The following CAMSAP3 variants were observed in gnomAD, a reference collection of about 807,000 sequenced individuals.
CAMSAP3 encodes calmodulin-regulated spectrin-associated protein 3.
CAMSAP3 carries 34 observed loss-of-function variants against 112.5 expected under a neutral mutation model. That is an observed-to-expected ratio of 0.30 (90% CI 0.23 to 0.40). The LOEUF is 0.40. CAMSAP3 is among the 10% of genes least tolerant of loss of function. The probability of loss-of-function intolerance (pLI) is 1.00; values close to 1 mark genes in which losing one functional copy is unlikely to be tolerated. For missense variants in CAMSAP3, 1,602 were observed against 1,770.3 expected (o/e 0.90, Z 1.71); for synonymous variants, 868 against 799.8 (o/e 1.09, Z -1.44).
intron 11 of CAMSAP3, among the ~76,000 whole-genome samples, chr19:7,613,819 A>G (rs8100544): frequency 0.011 from 1,652 of 151,862 alleles, 26 homozygotes; most frequent in African/African-American, 0.037. Context: ...CCCTGTGTCC[A>G]CTGTCTCTCC....
chr19:7,610,825 G>A lies in CAMSAP3; in HGVS notation c.994+32G>A. The stretch of plus-strand genomic sequence containing the variant: ...CCCTGGGGGCCTGGGGGCCGGGTCG[G>A]GGGCGGGTGGGAGAGCCAAACCCCC... On this transcript the variant is annotated intron_variant, in intron 7 of 16. Transcript: ENST00000160298. This position sits in a 1 kb window ranked among gnomAD's most constrained non-coding sequence, Gnocchi z 4.9. 1 of 1,610,572 alleles carries A rather than the reference G, an allele frequency of 6.2e-7. No homozygotes were observed. Among genetic ancestry groups the A allele is most frequent in the Non-Finnish European group, 8.5e-7 (1 of 1,179,446 alleles).
chr19:7,608,037 G>A (rs1205548875), intron 4 of CAMSAP3, 89 bp from the exon 5 acceptor site: 80 of 1,507,070 alleles, frequency 5.3e-5, no homozygotes, highest in East Asian at 1.6e-4. Flanking sequence ...CCCTCATGGC[G>A]GAAACCCCAG....
At chr19:7,614,441 G>A (rs2030676617) in intron 11 of CAMSAP3, among the ~76,000 whole-genome samples, 1 of 150,472 alleles carries the variant, frequency 6.6e-6, no homozygotes, top group Non-Finnish European at 1.5e-5. Context: ...CCACCTCCTG[G>A]GTTTAAGTGA....
At chr19:7,604,254 G>A (rs1032987065) in intron 1 of CAMSAP3, among the ~76,000 whole-genome samples, 2 of 151,978 alleles carry the variant, frequency 1.3e-5, no homozygotes, top group Non-Finnish European at 2.9e-5. Flanking sequence ...CTCCACTCTT[G>A]GTCCTACGTG....
intron 1 of CAMSAP3, among the ~76,000 whole-genome samples, chr19:7,596,745 C>T (rs778262383): frequency 6.6e-6 from 1 of 152,170 alleles, no homozygotes; most frequent in African/African-American, 2.4e-5. Flanking sequence ...TCCATAGCCC[C>T]CTCCAGCGCC....
chr19:7,615,002 C>T lies in CAMSAP3; in HGVS notation c.2671-181C>T, dbSNP rs547048132. ...TGAGCGGCACCCAGTGTATCCCATC[C>T]CTGTTGTGTCCCAGTACTTAGTGTG... is the stretch of plus-strand genomic sequence containing the variant. On this transcript the variant is annotated intron_variant, in intron 11 of 16. Transcript: ENST00000160298. This position sits in a 1 kb window ranked among gnomAD's most constrained non-coding sequence, Gnocchi z 6.5. The T allele has an allele frequency of 9.6e-5, 67 of 697,486 alleles. No individual in the cohort carries two copies. The highest frequency in any genetic ancestry group is 6.8e-4 in the East Asian group (25 of 36,568). 43.2% of individuals were successfully genotyped at this position (697,486 alleles called of 1,614,324 possible). A position where few individuals can be genotyped will look rare whatever the true frequency, so the allele number is the denominator to read the frequency against.
In CAMSAP3 at chr19:7,610,972, G is replaced by T; in HGVS notation, c.1049+41G>T. Reference sequence around the variant, plus strand: ...TGGGCGAGTCTCTGGCATTGTGGGTGTGGGGCTCCATGTCTGCCTTGCTGA... The same window carrying T: ...TGGGCGAGTCTCTGGCATTGTGGGTTTGGGGCTCCATGTCTGCCTTGCTGA... On this transcript the variant is annotated intron_variant, in intron 8 of 16. Coordinates refer to ENST00000160298, the MANE Select transcript of CAMSAP3 (RefSeq NM_020902.2). This position sits in a 1 kb window ranked among gnomAD's most constrained non-coding sequence, Gnocchi z 4.9. The T allele has an allele frequency of 1.3e-6, 2 of 1,576,078 alleles. No individual in the cohort carries two copies. Among genetic ancestry groups the T allele is most frequent in the Non-Finnish European group, 1.7e-6 (2 of 1,156,052 alleles).
At position 7,608,194 on chromosome 19, in the gene CAMSAP3, G is replaced by C; in HGVS notation, c.690G>C (p.Gln230His). The C allele has an allele frequency of 6.2e-7, 1 of 1,612,742 alleles. No homozygotes were observed. ...GCTTCCCGACGGTGACCAGCCTCCA[G>C]GACCTGGCCAGTGGGGCCGCGCTGG... ...APCFPTVTSL[Q>H]DLASGAALAA... The change falls in exon 5 of 17, where the codon CAG (glutamine) becomes CAC (histidine). Residue 230 changes from glutamine (Q) to histidine (H), a missense_variant. Physicochemically the swap from Gln to His is conservative, Grantham distance 24. This residue lies in a region of CAMSAP3 where 58 missense variants were observed against 108.4 expected (regional missense o/e 0.54). Coordinates refer to ENST00000160298, the MANE Select transcript of CAMSAP3 (RefSeq NM_020902.2).
At chr19:7,613,940 C>T (rs1245699892) in intron 11 of CAMSAP3, among the ~76,000 whole-genome samples, 1 of 152,010 alleles carries the variant, frequency 6.6e-6, no homozygotes, top group Non-Finnish European at 1.5e-5. Context: ...TTGACTGCTC[C>T]CCTTACCCTT....
Position 7,616,953 on chromosome 19 carries a change from T to G in CAMSAP3, c.3212+331T>G, listed in dbSNP as rs199657561. On this transcript the variant is annotated intron_variant, in intron 14 of 16. Transcript: ENST00000160298. ...GCCCGCCTTTTTTTTTTTTTTTTTTTTTTTTGTTTTTTTGAGAGGGAGTCT... is the reference window on the plus strand; with the variant it reads ...GCCCGCCTTTTTTTTTTTTTTTTTTGTTTTTGTTTTTTTGAGAGGGAGTCT... 2.6e-3 allele frequency among the ~76,000 whole-genome samples: 337 copies of G among 131,904 alleles called. 1 individual carries two copies. Among genetic ancestry groups the G allele is most frequent in the Admixed American group, 4.3e-3 (57 of 13,306 alleles). 86.5% of individuals were successfully genotyped at this position (131,904 alleles called of 152,430 possible). A position where few individuals can be genotyped will look rare whatever the true frequency, so the allele number is the denominator to read the frequency against.
At chr19:7,605,147 G>GGTGTGTGTGTGTGTGTGTGT (rs56244737) in intron 1 of CAMSAP3, 79 bp from the exon 2 acceptor site, 26,175 of 612,610 alleles carry the variant, frequency 0.043, 693 homozygotes, top group East Asian at 0.051. Flanking sequence ...CGGGCCATGT[G>GGTGTGTGTGTGTGTGTGTGT]GTGTGTGTGT....
At position 7,610,554 on chromosome 19, in the gene CAMSAP3, G is replaced by T. The variant is rs200223315; in HGVS notation, c.839G>T (p.Arg280Leu). ...CTCGTGCAGGATTTCTGTGCCTCTC[G>T]CCTTCCTCGTGGCTGCCCCCTGTCC... The part of the protein sequence containing the change: ...LQLVQDFCAS[R>L]LPRGCPLSLE... Residue 280 changes from arginine (R) to leucine (L), a missense_variant, in exon 6 of 17, where the codon CGC becomes CTC. Physicochemically the swap from Arg to Leu is moderately radical, Grantham distance 102. This residue lies in a region of CAMSAP3 where 58 missense variants were observed against 108.4 expected (regional missense o/e 0.54). Transcript: ENST00000160298. The surrounding 1 kb of genome is among the most constrained non-coding windows in gnomAD (Gnocchi z 4.9). The T allele has an allele frequency of 1.2e-5, 20 of 1,613,666 alleles. No individual in the cohort carries two copies. Among genetic ancestry groups the T allele is most frequent in the Non-Finnish European group, 1.7e-5 (20 of 1,179,990 alleles).
In CAMSAP3 at chr19:7,608,155, G is replaced by C. The variant is rs199868688; in HGVS notation, c.651G>C (p.Ala217=). 3 of 1,611,842 alleles carry C rather than the reference G, an allele frequency of 1.9e-6. No individual in the cohort carries two copies. Among genetic ancestry groups the C allele is most frequent in the Non-Finnish European group, 2.5e-6 (3 of 1,179,850 alleles). The change falls in exon 5 of 17, where the codon GCG becomes GCC. Residue 217 remains alanine (A), a synonymous_variant. Transcript: ENST00000160298. The part of the protein sequence containing the change: ...SIRYRKDRVV[A]RRAPCFPTVT... ...GATACCGCAAGGACCGTGTGGTGGC[G>C]CGACGTGCCCCCTGCTTCCCGACGG... is the stretch of plus-strand genomic sequence containing the variant.
In CAMSAP3 at chr19:7,615,702, C is replaced by G; in HGVS notation, c.3095C>G (p.Pro1032Arg). The stretch of plus-strand genomic sequence containing the variant: ...GACGACTCAGCCCTGGCACGAAGCC[C>G]AGCCCGCGGCCTGCTGGGTGAGGAC... ...CCDDSALARS[P>R]ARGLLGSRLS... The change falls in exon 13 of 17, where the codon CCA (proline) becomes CGA (arginine). Residue 1032 changes from proline to arginine, a missense_variant. Physicochemically the swap from Pro to Arg is moderately radical, Grantham distance 103. This residue lies in a region of CAMSAP3 where 1,100 missense variants were observed against 1,135.7 expected (regional missense o/e 0.97). Coordinates refer to ENST00000160298, the MANE Select transcript of CAMSAP3 (RefSeq NM_020902.2). This position sits in a 1 kb window ranked among gnomAD's most constrained non-coding sequence, Gnocchi z 6.5. 7.1e-7 allele frequency: 1 copy of G among 1,408,206 alleles called. No individual in the cohort carries two copies. The highest frequency in any genetic ancestry group is 9.2e-7 in the Non-Finnish European group (1 of 1,087,712). The allele number at this position is 1,408,206 out of a possible 1,614,324, so 87.2% of individuals were successfully genotyped here.
At chr19:7,606,780 C>T in intron 4 of CAMSAP3, 1 of 1,613,848 alleles carries the variant, frequency 6.2e-7, no homozygotes, top group Non-Finnish European at 8.5e-7. Context: ...GCCTCAGTGC[C>T]CTACGCGCTG....
At position 7,615,490 on chromosome 19, in the gene CAMSAP3, T is replaced by C; in HGVS notation, c.2883T>C (p.Ala961=). 1 of 1,540,342 alleles carries C rather than the reference T, an allele frequency of 6.5e-7. No homozygotes were observed. Among genetic ancestry groups the C allele is most frequent in the Non-Finnish European group, 8.7e-7 (1 of 1,145,534 alleles). Residue 961 remains alanine, a synonymous_variant, in exon 13 of 17, where the codon GCT becomes GCC. Coordinates refer to ENST00000160298, the MANE Select transcript of CAMSAP3 (RefSeq NM_020902.2). The surrounding 1 kb of genome is among the most constrained non-coding windows in gnomAD (Gnocchi z 6.5). ...TCCCGATGGCGACTCCAGCCCCTGC[T>C]GCCCGGGCTCCAGCCGAGGAGGAGG... ...SAVPMATPAP[A]ARAPAEEEVG...
Position 7,617,373 on chromosome 19 carries a change from G to T in CAMSAP3, c.3260G>T (p.Ser1087Ile). 2 of 1,614,124 alleles carry T rather than the reference G, an allele frequency of 1.2e-6. No homozygotes were observed. Among genetic ancestry groups the T allele is most frequent in the Non-Finnish European group, 1.7e-6 (2 of 1,180,006 alleles). Residue 1087 changes from serine to isoleucine, a missense_variant, in exon 15 of 17, where the codon AGC (serine) becomes ATC (isoleucine). This residue lies in a region of CAMSAP3 where 1,100 missense variants were observed against 1,135.7 expected (regional missense o/e 0.97). Transcript: ENST00000160298. The surrounding 1 kb of genome is among the most constrained non-coding windows in gnomAD (Gnocchi z 7.5). ...GLMSPSRLPGSRERDWENGSN... is the reference protein window; with the variant it reads ...GLMSPSRLPGIRERDWENGSN... ...ATGTCCCCAAGCCGCCTGCCTGGAAGCCGCGAACGGGACTGGGAAAATGGC... is the reference window on the plus strand; with the variant it reads ...ATGTCCCCAAGCCGCCTGCCTGGAATCCGCGAACGGGACTGGGAAAATGGC...
intron 13 of CAMSAP3, 140 bp from the exon 14 acceptor site, chr19:7,616,383 C>T (rs1458656181): frequency 3.1e-6 from 2 of 636,438 alleles, no homozygotes; most frequent in East Asian, 2.8e-5. Context: ...TAGAGGGGTC[C>T]CCCCATAGGG....
At position 7,617,669 on chromosome 19, in the gene CAMSAP3, C is replaced by T. The variant is rs200415510; in HGVS notation, c.3444+8C>T. ...AAGAATCGCATTCTGGAGGTGAGCCCGCCCACACGTGGGAGTTGGGGGCTG... is the reference window on the plus strand; with the variant it reads ...AAGAATCGCATTCTGGAGGTGAGCCTGCCCACACGTGGGAGTTGGGGGCTG... On this transcript the variant is annotated splice_region_variant and intron_variant, in intron 16 of 16. Coordinates refer to ENST00000160298, the MANE Select transcript of CAMSAP3 (RefSeq NM_020902.2). This position sits in a 1 kb window ranked among gnomAD's most constrained non-coding sequence, Gnocchi z 7.5. 2.2e-5 allele frequency: 36 copies of T among 1,613,750 alleles called. No homozygotes were observed. Among genetic ancestry groups the T allele is most frequent in the Admixed American group, 1.8e-4 (11 of 60,012 alleles).
Sources: allele counts gnomAD v4.1 joint callset (sites outside exome capture counted in the v4.1 genomes callset), GRCh38; gene constraint gnomAD v4.1.1; regional missense constraint gnomAD v4.1.1; non-coding constraint Gnocchi (gnomAD v3.1); transcripts MANE v1.5; gene names NCBI Gene and HGNC (gene_info 2026-07-23, HGNC 2026-07-21).